Variants in XKR4 observed in about 807,000 individuals in gnomAD.
XKR4 encodes XK related 4.
XKR4 carries 12 observed loss-of-function variants against 53.9 expected under a neutral mutation model. The ratio of observed to expected loss-of-function variants is 0.22; its 90% CI spans 0.14 to 0.36. The LOEUF (loss-of-function observed/expected upper bound fraction) is 0.36. XKR4 is among the 10% of genes least tolerant of loss of function. The pLI is 1.00. For synonymous variants in XKR4, 354 were observed against 362.4 expected, an observed-to-expected ratio of 0.98 and a Z score of 0.26; for missense variants, 799 against 859.5, an observed-to-expected ratio of 0.93 and a Z score of 0.88.
intron 2 of XKR4, among the ~76,000 whole-genome samples, chr8:55,378,053 G>C (rs1804175696): frequency 6.6e-6 from 1 of 152,220 alleles, no homozygotes; most frequent in East Asian, 1.9e-4. Flanking sequence ...AACAGGGCTT[G>C]AGTACAAATG....
intron 2 of XKR4, among the ~76,000 whole-genome samples, chr8:55,495,557 G>A (rs374995221): frequency 3.3e-5 from 5 of 152,206 alleles, no homozygotes; most frequent in African/African-American, 1.2e-4. Context: ...CATCACAGTG[G>A]CTTCCAGGGT....
chr8:55,217,241 C>A (rs375408951), intron 1 of XKR4, among the ~76,000 whole-genome samples: 982 of 105,716 alleles, frequency 9.3e-3, no homozygotes, highest in African/African-American at 0.019. Context: ...GACTCTGTCT[C>A]AAAAAAAAAA....
chr8:55,325,178 G>T (rs540649338), intron 1 of XKR4, among the ~76,000 whole-genome samples: 1 of 152,106 alleles, frequency 6.6e-6, no homozygotes, highest in Non-Finnish European at 1.5e-5. Context: ...AATATGAGGC[G>T]TAATTTTAGC....
intron 1 of XKR4, among the ~76,000 whole-genome samples, chr8:55,217,770 A>G (rs1817826470): frequency 6.6e-6 from 1 of 152,172 alleles, no homozygotes; most frequent in Non-Finnish European, 1.5e-5. Flanking sequence ...AGATAGATAG[A>G]TAGATAGATA....
chr8:55,336,992 G>A (rs1366818677), intron 1 of XKR4, among the ~76,000 whole-genome samples: 2 of 152,082 alleles, frequency 1.3e-5, no homozygotes, highest in East Asian at 3.9e-4. Flanking sequence ...GGTTTTTTTG[G>A]TGGAAATCTT....
At chr8:55,240,009 T>A (rs6999242) in intron 1 of XKR4, among the ~76,000 whole-genome samples, 15,678 of 152,182 alleles carry the variant, frequency 0.1, 1,614 homozygotes, top group African/African-American at 0.27. Context: ...TCTACCTATA[T>A]CTGTATCAGT....
intron 2 of XKR4, among the ~76,000 whole-genome samples, chr8:55,382,648 C>T (rs995371187): frequency 1.3e-5 from 2 of 152,080 alleles, no homozygotes; most frequent in Non-Finnish European, 2.9e-5. Context: ...GGGGGAAATT[C>T]GTCTGTTAAA....
rs550276829 is a variant in XKR4, at chr8:55,302,531, A to G, written c.807-55147A>G. Among the ~76,000 whole-genome samples the G allele has an allele frequency of 4.1e-3, 623 of 152,280 alleles. 5 individuals carry two copies. The highest frequency in any genetic ancestry group is 0.013 in the African/African-American group (560 of 41,536). On this transcript the variant is annotated intron_variant, in intron 1 of 2. Coordinates refer to ENST00000327381, the MANE Select transcript of XKR4 (RefSeq NM_052898.2). ...CAAGTAGTTTTTTCCAATTCTGTGA[A>G]GAAAGTCATTGGTAGCTTGATGGGG...
chr8:55,111,795 A>C (rs971510645), intron 1 of XKR4, among the ~76,000 whole-genome samples: 2 of 152,188 alleles, frequency 1.3e-5, no homozygotes, highest in African/African-American at 4.8e-5. Context: ...GCTTGAAAGA[A>C]CTATCCATTA....
intron 2 of XKR4, among the ~76,000 whole-genome samples, chr8:55,507,363 T>A (rs541269176): frequency 1.3e-5 from 2 of 151,880 alleles, no homozygotes; most frequent in East Asian, 1.9e-4. Context: ...GATTTTTTTT[T>A]ATTATACTTT....
At chr8:55,491,747 C>T (rs1175548684) in intron 2 of XKR4, among the ~76,000 whole-genome samples, 1 of 152,112 alleles carries the variant, frequency 6.6e-6, no homozygotes, top group Non-Finnish European at 1.5e-5. Context: ...CCTCCCACCT[C>T]AGCCTCTTGA....
intron 2 of XKR4, among the ~76,000 whole-genome samples, chr8:55,380,976 T>C (rs1804223518): frequency 6.6e-6 from 1 of 152,244 alleles, no homozygotes; most frequent in African/African-American, 2.4e-5. Context: ...CTATCTTCTT[T>C]GGTGGATCTA....
chr8:55,142,072 C>G, intron 1 of XKR4: 1 of 456,050 alleles, frequency 2.2e-6, no homozygotes, highest in South Asian at 1.5e-5. Context: ...TGCAGCCTCC[C>G]TGGTGACTTT....
At chr8:55,376,040 C>T (rs1375301356) in intron 2 of XKR4, among the ~76,000 whole-genome samples, 1 of 152,160 alleles carries the variant, frequency 6.6e-6, no homozygotes, top group Non-Finnish European at 1.5e-5. Context: ...TCATCCATGA[C>T]CCTACAAAGG....
intron 2 of XKR4, chr8:55,451,899 C>A: frequency 1.2e-6 from 1 of 824,890 alleles, no homozygotes; most frequent in Non-Finnish European, 2.0e-6. Context: ...GCTCTTCCGA[C>A]ACTGAGATCT....
chr8:55,289,254 G>A (rs770002189), intron 1 of XKR4, among the ~76,000 whole-genome samples: 5 of 152,116 alleles, frequency 3.3e-5, no homozygotes, highest in African/African-American at 7.2e-5. Context: ...GGTGGCTCAC[G>A]CCTGCAATCC....
intron 2 of XKR4, among the ~76,000 whole-genome samples, chr8:55,492,623 T>C (rs918898297): frequency 6.6e-6 from 1 of 152,236 alleles, no homozygotes; most frequent in Admixed American, 6.5e-5. Context: ...TTGGCCCACA[T>C]TCCTGAATGC....
intron 2 of XKR4, among the ~76,000 whole-genome samples, chr8:55,421,525 A>ATC (rs71256537): frequency 0.014 from 2,047 of 150,012 alleles, 25 homozygotes; most frequent in South Asian, 0.032. Context: ...GCACCTTGGC[A>ATC]TCTCTCTCTC....
rs888497835 is a variant in XKR4 at position 55,266,969 on chromosome 8, C to T, written c.807-90709C>T. ...CCTAATGATGGCCAAAATGAATTCA[C>T]GACCTCTCCTCCCATTATGCAATGA... On this transcript the variant is annotated intron_variant, in intron 1 of 2. Coordinates refer to ENST00000327381, the MANE Select transcript of XKR4 (RefSeq NM_052898.2). Among the ~76,000 whole-genome samples the T allele has an allele frequency of 5.9e-5, 9 of 152,246 alleles. 1 individual carries two copies. Among genetic ancestry groups the T allele is most frequent in the East Asian group, 3.9e-4 (2 of 5,182 alleles).
Sources: allele counts gnomAD v4.1 joint callset (sites outside exome capture counted in the v4.1 genomes callset), GRCh38; gene constraint gnomAD v4.1.1; transcripts MANE v1.5; gene names NCBI Gene and HGNC (gene_info 2026-07-23, HGNC 2026-07-21).